The following PIK3C2A variants were observed in gnomAD, a reference collection of about 807,000 sequenced individuals.
PIK3C2A encodes phosphatidylinositol 4-phosphate 3-kinase C2 domain-containing subunit alpha.
PIK3C2A carries 97 observed loss-of-function variants against 204.5 expected under a neutral mutation model. That is an observed-to-expected ratio of 0.47 (90% CI 0.40 to 0.56). PIK3C2A has a LOEUF of 0.56. Ranked by LOEUF, PIK3C2A falls within the 20% of genes least tolerant of loss-of-function variation. The pLI is 0.00. For missense variants in PIK3C2A, 1,735 were observed against 1,969.2 expected, an observed-to-expected ratio of 0.88 and a Z score of 2.25; for synonymous variants, 653 against 664.4, an observed-to-expected ratio of 0.98 and a Z score of 0.26.
intron 5 of PIK3C2A, chr11:17,148,358 G>C: frequency 4.0e-6 from 1 of 251,750 alleles, no homozygotes; most frequent in Non-Finnish European, 7.7e-6. Context: ...ATAATGATGT[G>C]ACTATTGACT....
intron 13 of PIK3C2A, among the ~76,000 whole-genome samples, chr11:17,124,465 T>C: frequency 6.6e-6 from 1 of 151,988 alleles, no homozygotes. Context: ...GTCTTTTTTT[T>C]TTTTTTTTGA....
At chr11:17,113,844 G>A (rs542505458) in intron 20 of PIK3C2A, among the ~76,000 whole-genome samples, 2 of 149,854 alleles carry the variant, frequency 1.3e-5, no homozygotes, top group South Asian at 4.2e-4. Context: ...CATTTTGGGA[G>A]GCCGAGGTGG....
At chr11:17,126,119 G>A (rs1173911417) in intron 13 of PIK3C2A, among the ~76,000 whole-genome samples, 1 of 152,030 alleles carries the variant, frequency 6.6e-6, no homozygotes, top group African/African-American at 2.4e-5. Context: ...GTGAGACTCT[G>A]TCTCAAAAAA....
chr11:17,100,520 C>T (rs1848595483), intron 25 of PIK3C2A, among the ~76,000 whole-genome samples: 2 of 152,152 alleles, frequency 1.3e-5, no homozygotes, highest in South Asian at 4.1e-4. Flanking sequence ...CCGCGCCTGG[C>T]CTAGGCCACT....
At chr11:17,163,480 T>C (rs1455105628) in intron 2 of PIK3C2A, among the ~76,000 whole-genome samples, 2 of 152,166 alleles carry the variant, frequency 1.3e-5, no homozygotes, top group Non-Finnish European at 2.9e-5. Context: ...CATAGCTCAT[T>C]GCAGCCTCAA....
chr11:17,101,339 C>A lies in PIK3C2A; in HGVS notation c.3947G>T (p.Cys1316Phe). The change falls in exon 25 of 33, where the codon TGC (cysteine) becomes TTC (phenylalanine). Residue 1316 changes from cysteine to phenylalanine, a missense_variant. Physicochemically the swap from Cys to Phe is radical, Grantham distance 205 (BLOSUM62 -2). This residue lies in a region of PIK3C2A where 503 missense variants were observed against 669.0 expected (regional missense o/e 0.75). Coordinates refer to ENST00000691414, the MANE Select transcript of PIK3C2A (RefSeq NM_002645.4). ...TCTTATCAAGTTGTAGGCCTGACAG[C>A]AGAGGTCCACAAACAACTGAAAACG... Reference protein sequence around the residue: ...TIRFQLFVDLCCQAYNLIRKQ... With the variant: ...TIRFQLFVDLFCQAYNLIRKQ... 1 of 1,594,264 alleles carries A rather than the reference C, an allele frequency of 6.3e-7. No homozygotes were observed. Among genetic ancestry groups the A allele is most frequent in the South Asian group, 1.1e-5 (1 of 88,952 alleles).
intron 2 of PIK3C2A, among the ~76,000 whole-genome samples, chr11:17,165,605 G>A (rs900485624): frequency 2.6e-5 from 4 of 151,794 alleles, no homozygotes; most frequent in East Asian, 1.9e-4. Context: ...GAGAAACCGC[G>A]TCTCTACTAA....
At chr11:17,151,928 C>G (rs1850437993) in intron 3 of PIK3C2A, among the ~76,000 whole-genome samples, 1 of 152,118 alleles carries the variant, frequency 6.6e-6, no homozygotes. Context: ...AGGCTCACAT[C>G]AAATCACGAA....
At chr11:17,201,666 T>G (rs1466911234) in intron 1 of PIK3C2A, among the ~76,000 whole-genome samples, 3 of 152,156 alleles carry the variant, frequency 2.0e-5, no homozygotes, top group Non-Finnish European at 4.4e-5. Context: ...CCTCATCATC[T>G]TCTTCTTCCT....
At chr11:17,118,470 G>C (rs374283047) in intron 18 of PIK3C2A, among the ~76,000 whole-genome samples, 175 bp downstream of exon 18, 1 of 152,024 alleles carries the variant, frequency 6.6e-6, no homozygotes, top group East Asian at 1.9e-4. Flanking sequence ...TTTGCAATGA[G>C]GGTTTTCAAA....
At chr11:17,155,674 A>G in intron 2 of PIK3C2A, 45 bp from the exon 3 acceptor site, 1 of 1,060,504 alleles carries the variant, frequency 9.4e-7, no homozygotes, top group East Asian at 2.4e-5. Context: ...GAAGATCCAC[A>G]AAATGCTACA....
chr11:17,174,739 AAAT>A (rs1327364243), intron 1 of PIK3C2A, among the ~76,000 whole-genome samples: 1 of 151,920 alleles, frequency 6.6e-6, no homozygotes, highest in Non-Finnish European at 1.5e-5. Flanking sequence ...TCTCTACTAA[AAAT>A]ACAGAATTTA....
intron 13 of PIK3C2A, 123 bp from the exon 14 acceptor site, chr11:17,122,936 A>C (rs1243969450): frequency 1.7e-6 from 1 of 575,096 alleles, no homozygotes; most frequent in Non-Finnish European, 3.0e-6. Context: ...TATCTTTAAG[A>C]ACATATCAGA....
chr11:17,111,729 T>C (rs914317935), intron 21 of PIK3C2A, among the ~76,000 whole-genome samples: 1 of 151,228 alleles, frequency 6.6e-6, no homozygotes, highest in Non-Finnish European at 1.5e-5. Context: ...ATAAAAAAAT[T>C]AGTTGGACGT....
At chr11:17,194,352 GC>G (rs1852065190) in intron 1 of PIK3C2A, 1 of 262,118 alleles carries the variant, frequency 3.8e-6, no homozygotes, top group South Asian at 9.8e-5. Context: ...GGTGCAACCT[GC>G]CCAGGCTGCC....
intron 1 of PIK3C2A, among the ~76,000 whole-genome samples, chr11:17,196,904 C>A (rs1440640448): frequency 6.6e-6 from 1 of 150,790 alleles, no homozygotes; most frequent in African/African-American, 2.4e-5. Flanking sequence ...ATAGGGTAGT[C>A]AGGGAAAAAA....
At position 17,095,452 on chromosome 11, in the gene PIK3C2A, G is replaced by A. The variant is rs1230165559; in HGVS notation, c.4327-1067C>T. On this transcript the variant is annotated intron_variant, in intron 27 of 32. Coordinates refer to ENST00000691414, the MANE Select transcript of PIK3C2A (RefSeq NM_002645.4). ...AAAAAATACAAAAAATGAGCCGGGC[G>A]TGGTGGTGGGTACCTGTAGTCCCAG... is the stretch of plus-strand genomic sequence containing the variant. Among the ~76,000 whole-genome samples the A allele has an allele frequency of 2.5e-4, 37 of 150,478 alleles. No individual in the cohort carries two copies. In the South Asian group the frequency reaches 2.9e-3, roughly 12 times the overall value.
At chr11:17,126,387 CT>C (rs1412141020) in intron 13 of PIK3C2A, among the ~76,000 whole-genome samples, 1 of 151,482 alleles carries the variant, frequency 6.6e-6, no homozygotes, top group Non-Finnish European at 1.5e-5. Context: ...GACTCCATCT[CT>C]ACAAAAAAAA....
intron 1 of PIK3C2A, among the ~76,000 whole-genome samples, chr11:17,207,318 G>T (rs1029419565): frequency 6.6e-6 from 1 of 152,188 alleles, no homozygotes; most frequent in Non-Finnish European, 1.5e-5. Context: ...TAAAGGCAAC[G>T]CGGTGGGAGT....
Sources: allele counts gnomAD v4.1 joint callset (sites outside exome capture counted in the v4.1 genomes callset), GRCh38; gene constraint gnomAD v4.1.1; regional missense constraint gnomAD v4.1.1; transcripts MANE v1.5; gene names NCBI Gene and HGNC (gene_info 2026-07-23, HGNC 2026-07-21).